The following SDSL variants were observed in gnomAD, a reference collection of about 807,000 sequenced individuals.
SDSL encodes the protein serine dehydratase-like.
SDSL carries 26 observed loss-of-function variants against 27.6 expected under a neutral mutation model. That is an observed-to-expected ratio of 0.94 (90% CI 0.69 to 1.31). The LOEUF (loss-of-function observed/expected upper bound fraction) is 1.31. Ranked by LOEUF, SDSL falls within the 50% of genes most tolerant of loss-of-function variation. SDSL has a pLI of 0.00. For missense variants in SDSL, 431 were observed against 423.5 expected (o/e 1.02, Z -0.16); for synonymous variants, 196 against 180.6 (o/e 1.09, Z -0.69).
At chr12:113,433,540 G>A (rs1957958096) in intron 4 of SDSL, among the ~76,000 whole-genome samples, 1 of 152,184 alleles carries the variant, frequency 6.6e-6, no homozygotes. Flanking sequence ...AATGAGTCAG[G>A]GAAGGGAAGA....
At chr12:113,436,580 C>T (rs117534574) in intron 6 of SDSL, among the ~76,000 whole-genome samples, 171 bp from the exon 7 acceptor site, 1,726 of 152,298 alleles carry the variant, frequency 0.011, 18 homozygotes, top group Middle Eastern at 0.041. Context: ...TGAGCCACTG[C>T]GCCCGGCAAG....
At chr12:113,425,579 G>C in intron 1 of SDSL, 1 of 443,654 alleles carries the variant, frequency 2.3e-6, no homozygotes, top group Non-Finnish European at 4.5e-6. Flanking sequence ...CCTGGGACAA[G>C]AGGAGCTGGC....
chr12:113,433,026 A>G (rs1016742581), intron 4 of SDSL, among the ~76,000 whole-genome samples: 6 of 152,200 alleles, frequency 3.9e-5, no homozygotes, highest in Admixed American at 2.6e-4. Flanking sequence ...CTTTGGGTAG[A>G]TACTCAGTAA....
chr12:113,426,491 A>G (rs1338582194), intron 1 of SDSL, among the ~76,000 whole-genome samples: 1 of 152,220 alleles, frequency 6.6e-6, no homozygotes, highest in African/African-American at 2.4e-5. Flanking sequence ...ATATTTTTAG[A>G]TGTGATCATA....
chr12:113,430,713 C>T (rs1304013951), intron 4 of SDSL, among the ~76,000 whole-genome samples: 1 of 152,108 alleles, frequency 6.6e-6, no homozygotes, highest in African/African-American at 2.4e-5. Flanking sequence ...GGGACATGTG[C>T]TCCACCCACT....
chr12:113,437,471 G>A (rs74775919), intron 7 of SDSL, among the ~76,000 whole-genome samples: 3 of 152,212 alleles, frequency 2.0e-5, no homozygotes, highest in Non-Finnish European at 4.4e-5. Flanking sequence ...ATGAAGTGAC[G>A]GATTGATGAA....
At chr12:113,425,356 G>C (rs973671195) in intron 1 of SDSL, among the ~76,000 whole-genome samples, 7 of 152,130 alleles carry the variant, frequency 4.6e-5, no homozygotes, top group Non-Finnish European at 8.8e-5. Context: ...GCTGTGCCCT[G>C]CCCGAGGGGG....
rs760095963 is a variant in SDSL, at chr12:113,429,251, G to A, written c.306G>A (p.Val102=). ...IVLPESTSLQ[V]VQRLQGEGAE... ...TCCCCGAGAGCACCTCCCTGCAGGT[G>A]GTGCAGAGGCTGCAGGGGGAGGGGG... The change falls in exon 4 of 8, where the codon GTG becomes GTA. Residue 102 remains valine (V), a synonymous_variant. Transcript: ENST00000403593. The A allele has an allele frequency of 6.2e-7, 1 of 1,613,506 alleles. No individual in the cohort carries two copies. The highest frequency in any genetic ancestry group is 1.3e-5 in the African/African-American group (1 of 74,882).
At chr12:113,429,683 A>G (rs16942803) in intron 4 of SDSL, among the ~76,000 whole-genome samples, 9,445 of 152,254 alleles carry the variant, frequency 0.062, 385 homozygotes, top group African/African-American at 0.12. Context: ...GACCACCCCA[A>G]TAGAAATGGT....
chr12:113,425,721 G>A (rs1158549727), intron 1 of SDSL: 17 of 455,776 alleles, frequency 3.7e-5, no homozygotes, highest in South Asian at 1.7e-4. Flanking sequence ...GGCTGAGCGC[G>A]GTGGCTCACG....
rs1170546303 is a variant in SDSL, at chr12:113,428,095, G to A, written c.113G>A (p.Cys38Tyr). The A allele has an allele frequency of 3.7e-6, 6 of 1,613,826 alleles. No individual in the cohort carries two copies. The highest frequency in any genetic ancestry group is 3.3e-5 in the Admixed American group (2 of 59,960). ...QVAGMPVFLKCENVQPSGSFK... is the reference protein window; with the variant it reads ...QVAGMPVFLKYENVQPSGSFK... ...GCGGGCATGCCTGTCTTCCTCAAGTGTGAGAATGTGCAGCCCAGCGGCTCC... is the reference window on the plus strand; with the variant it reads ...GCGGGCATGCCTGTCTTCCTCAAGTATGAGAATGTGCAGCCCAGCGGCTCC... Residue 38 changes from cysteine to tyrosine, a missense_variant, in exon 2 of 8, where the codon TGT becomes TAT. Transcript: ENST00000403593.
intron 1 of SDSL, chr12:113,426,378 A>G (rs1565876933): frequency 2.7e-6 from 1 of 366,082 alleles, no homozygotes; most frequent in Non-Finnish European, 5.6e-6. Flanking sequence ...AAACCGTGAA[A>G]AACCCCAAAC....
At chr12:113,425,794 A>G (rs976650160) in intron 1 of SDSL, 4 of 445,590 alleles carry the variant, frequency 9.0e-6, no homozygotes, top group South Asian at 6.4e-5. Flanking sequence ...GGAGTTTGAG[A>G]CCAGCCAACA....
At chr12:113,432,793 G>A (rs545792096) in intron 4 of SDSL, among the ~76,000 whole-genome samples, 2 of 152,260 alleles carry the variant, frequency 1.3e-5, no homozygotes, top group South Asian at 2.1e-4. Context: ...CTGTTCCTAA[G>A]TTAATTATCT....
At chr12:113,425,548 G>T in intron 1 of SDSL, 1 of 411,462 alleles carries the variant, frequency 2.4e-6, no homozygotes. Context: ...GAATGGTGGG[G>T]ACCGGCCCAG....
At chr12:113,432,309 TCTCTCTGTCTCTCTCTC>T (rs1957944206) in intron 4 of SDSL, among the ~76,000 whole-genome samples, 1 of 150,674 alleles carries the variant, frequency 6.6e-6, no homozygotes, top group African/African-American at 2.5e-5. Flanking sequence ...TCTCTTTCTG[TCTCTCTGTCTCTCTCTC>T]TCTCTGTCTC....
chr12:113,430,737 C>G (rs1957911955), intron 4 of SDSL, among the ~76,000 whole-genome samples: 1 of 152,116 alleles, frequency 6.6e-6, no homozygotes, highest in Admixed American at 6.6e-5. Context: ...GTGAGAAGAA[C>G]AGCAAAGCCA....
intron 6 of SDSL, 46 bp from the exon 7 acceptor site, chr12:113,436,705 T>C (rs1957999065): frequency 6.6e-7 from 1 of 1,522,482 alleles, no homozygotes; most frequent in Non-Finnish European, 8.8e-7. Flanking sequence ...CACCAGCTCT[T>C]CCCTGAGCCC....
rs576081989 is a variant in SDSL, at chr12:113,430,436, T to A, written c.354+1137T>A. On this transcript the variant is annotated intron_variant, in intron 4 of 7. Transcript: ENST00000403593. The stretch of plus-strand genomic sequence containing the variant: ...AAATAGCAGCAGCTTATAAGAAACA[T>A]TTGTTTCCGATGCTTTGGGTCTGTG... Among the ~76,000 whole-genome samples, 65 of 152,226 alleles carry A rather than the reference T, an allele frequency of 4.3e-4. 1 individual carries two copies. The South Asian group carries it at 0.013, about 31-fold the overall frequency.
Sources: gnomAD v4.1 joint callset for allele counts (sites outside exome capture counted in the v4.1 genomes callset) on GRCh38, gnomAD v4.1.1 for gene constraint, MANE v1.5 for transcripts, NCBI Gene and HGNC (gene_info 2026-07-23, HGNC 2026-07-21) for gene names.